TMEM117: variants seen among roughly 807,000 people sequenced by gnomAD.
The protein encoded by TMEM117 is transmembrane protein 117.
In TMEM117, 27 loss-of-function variants were observed where a neutral mutation model predicts 52.4. The ratio of observed to expected loss-of-function variants is 0.51; its 90% CI spans 0.38 to 0.71. The LOEUF (loss-of-function observed/expected upper bound fraction) is 0.71, where lower values mean the gene tolerates loss of function less well. Among genes scored for constraint, TMEM117 ranks in the 30% least tolerant of loss-of-function variants. TMEM117 has a pLI of 0.00. For synonymous variants in TMEM117, 215 were observed against 206.3 expected (o/e 1.04, Z -0.36); for missense variants, 556 against 630.5 (o/e 0.88, Z 1.26).
intron 3 of TMEM117, among the ~76,000 whole-genome samples, chr12:44,099,121 T>A (rs1385999468): frequency 1.3e-5 from 2 of 152,096 alleles, no homozygotes; most frequent in Non-Finnish European, 2.9e-5. Context: ...CTTTATTTTT[T>A]TTTTAAAGTC....
intron 6 of TMEM117, among the ~76,000 whole-genome samples, chr12:44,354,349 G>A (rs549150677): frequency 2.0e-5 from 3 of 152,032 alleles, no homozygotes; most frequent in East Asian, 1.9e-4. Flanking sequence ...ACCAAAGCCT[G>A]GCAGAAACAC....
At chr12:43,838,021 T>C (rs1217009030) in intron 1 of TMEM117, among the ~76,000 whole-genome samples, 2 of 152,334 alleles carry the variant, frequency 1.3e-5, no homozygotes, top group African/African-American at 2.4e-5. Flanking sequence ...GGTGGTTTTA[T>C]TGATTGACTT....
chr12:44,009,285 A>G lies in TMEM117; in HGVS notation c.410+64943A>G, dbSNP rs76365439. ...GTATTTCTGATGCAGAAACCGATAC[A>G]GGATGATCATTTCCAGTGTCATATT... On this transcript the variant is annotated intron_variant, in intron 3 of 7. Transcript: ENST00000266534. 6.1e-3 allele frequency: 1,665 copies of G among 274,490 alleles called. 31 individuals are homozygous for G. The highest frequency in any genetic ancestry group is 0.035 in the African/African-American group (1,495 of 42,816). 17.0% of individuals were successfully genotyped at this position (274,490 alleles called of 1,614,324 possible).
intron 3 of TMEM117, among the ~76,000 whole-genome samples, chr12:44,094,302 T>C (rs144942411): frequency 2.0e-5 from 3 of 152,232 alleles, no homozygotes; most frequent in Non-Finnish European, 4.4e-5. Context: ...ATGTCAAACT[T>C]AAAAAATGTG....
At chr12:44,267,384 A>T (rs1000377080) in intron 5 of TMEM117, among the ~76,000 whole-genome samples, 1 of 152,160 alleles carries the variant, frequency 6.6e-6, no homozygotes, top group Non-Finnish European at 1.5e-5. Flanking sequence ...ACATACAAAA[A>T]GTTGTACATA....
chr12:44,220,828 C>A (rs1467028631), intron 5 of TMEM117, among the ~76,000 whole-genome samples: 3 of 152,032 alleles, frequency 2.0e-5, no homozygotes, highest in African/African-American at 7.2e-5. Context: ...ATTTGGTCAA[C>A]AAAATGAATT....
rs565096778 is a variant in TMEM117 at position 44,219,752 on chromosome 12, T to G, written c.608+8365T>G. 2.6e-5 allele frequency among the ~76,000 whole-genome samples: 4 copies of G among 152,280 alleles called. No homozygotes were observed. The East Asian group carries it at 7.7e-4, about 29-fold the overall frequency. On this transcript the variant is annotated intron_variant, in intron 5 of 7. Transcript: ENST00000266534. ...ATAAGATACTACACATTATAGCTACTCAAATAATAACTGTACTCCTTGGAA... is the reference window on the plus strand; with the variant it reads ...ATAAGATACTACACATTATAGCTACGCAAATAATAACTGTACTCCTTGGAA...
In TMEM117 at chr12:44,207,459, C is replaced by G. The variant is rs1848213527; in HGVS notation, c.511-3831C>G. Among the ~76,000 whole-genome samples the G allele has an allele frequency of 2.0e-5, 3 of 152,216 alleles. No individual in the cohort carries two copies. In the South Asian group the frequency reaches 6.2e-4, roughly 32 times the overall value. On this transcript the variant is annotated intron_variant, in intron 4 of 7. Transcript: ENST00000266534. ...TTTGTCACACAAATATTTTATGAAGCCCTCTTAGACGACTGCAGCCTTCAG... is the reference window on the plus strand; with the variant it reads ...TTTGTCACACAAATATTTTATGAAGGCCTCTTAGACGACTGCAGCCTTCAG...
rs763766100 is a variant in TMEM117, at chr12:44,202,789, G to A, written c.511-8501G>A. ...CTGGTCCAGGACTCCTTTGGAAGTGGTAGCTTTTTTTTTTTTTTAGATGGA... is the reference window on the plus strand; with the variant it reads ...CTGGTCCAGGACTCCTTTGGAAGTGATAGCTTTTTTTTTTTTTTAGATGGA... On this transcript the variant is annotated intron_variant, in intron 4 of 7. Transcript: ENST00000266534. Among the ~76,000 whole-genome samples the A allele has an allele frequency of 4.6e-4, 63 of 138,296 alleles. 1 individual carries two copies. Among genetic ancestry groups the A allele is most frequent in the Admixed American group, 9.6e-4 (14 of 14,630 alleles). The allele number at this position is 138,296 out of a possible 152,430, so 90.7% of individuals were successfully genotyped here.
intron 3 of TMEM117, among the ~76,000 whole-genome samples, chr12:44,013,247 C>A (rs1338558676): frequency 6.6e-6 from 1 of 152,070 alleles, no homozygotes; most frequent in African/African-American, 2.4e-5. Context: ...CCAGGTTGGT[C>A]TCGAACTCCT....
chr12:43,915,839 CT>C (rs778361968), intron 2 of TMEM117, among the ~76,000 whole-genome samples: 16 of 152,060 alleles, frequency 1.1e-4, no homozygotes, highest in African/African-American at 2.7e-4. Context: ...TAAGGGAACA[CT>C]TTTTTTATTT....
intron 5 of TMEM117, among the ~76,000 whole-genome samples, chr12:44,253,983 A>AT (rs1390135332): frequency 7.2e-6 from 1 of 139,772 alleles, no homozygotes; most frequent in Non-Finnish European, 1.5e-5. Flanking sequence ...TTTGATCATC[A>AT]TTTTTTTTCC....
intron 3 of TMEM117, among the ~76,000 whole-genome samples, chr12:44,014,966 G>C (rs747964158): frequency 6.6e-6 from 1 of 151,994 alleles, no homozygotes; most frequent in Non-Finnish European, 1.5e-5. Flanking sequence ...TAATTTCTAT[G>C]ATTGGCCTCA....
At chr12:44,283,051 A>C (rs1223714237) in intron 5 of TMEM117, among the ~76,000 whole-genome samples, 1 of 152,270 alleles carries the variant, frequency 6.6e-6, no homozygotes, top group Non-Finnish European at 1.5e-5. Flanking sequence ...GCCTGTGGGT[A>C]CACAGAAGTC....
chr12:43,857,722 T>A (rs900998075), intron 2 of TMEM117, among the ~76,000 whole-genome samples: 27 of 152,300 alleles, frequency 1.8e-4, no homozygotes, highest in African/African-American at 6.5e-4. Context: ...GCTGCCAGAA[T>A]TTTCCCCTGA....
At chr12:44,392,495 GGTTA>G (rs1952165461), downstream of TMEM117, among the ~76,000 whole-genome samples, 4 of 151,966 alleles carry the variant, frequency 2.6e-5, no homozygotes, top group East Asian at 1.9e-4. Flanking sequence ...CTGGTTGGTT[GGTTA>G]GTTGTTTTGC....
At position 44,287,020 on chromosome 12, in the gene TMEM117, C is replaced by T. The variant is rs190418566; in HGVS notation, c.609-12560C>T. Among the ~76,000 whole-genome samples, 16 of 152,202 alleles carry T rather than the reference C, an allele frequency of 1.1e-4. No homozygotes were observed. In the East Asian group the frequency reaches 2.7e-3, roughly 26 times the overall value. Reference sequence around the variant, plus strand: ...GAAGCAGTTTATTTGTTCACTTTACCGAGATCTTAGTGCACATATGCATTC... The same window carrying T: ...GAAGCAGTTTATTTGTTCACTTTACTGAGATCTTAGTGCACATATGCATTC... On this transcript the variant is annotated intron_variant, in intron 5 of 7. Coordinates refer to ENST00000266534, the MANE Select transcript of TMEM117 (RefSeq NM_032256.3).
chr12:43,963,809 A>G (rs1945442401), intron 3 of TMEM117, among the ~76,000 whole-genome samples: 1 of 152,230 alleles, frequency 6.6e-6, no homozygotes, highest in Non-Finnish European at 1.5e-5. Context: ...AGATGGAGCT[A>G]AAGTCAGGAG....
At chr12:43,972,530 C>T (rs369102372) in intron 3 of TMEM117, among the ~76,000 whole-genome samples, 71 of 152,260 alleles carry the variant, frequency 4.7e-4, no homozygotes, top group Admixed American at 1.2e-3. Context: ...CTTTTATTTC[C>T]TTATTTGTCC....
Sources: gnomAD v4.1 joint callset for allele counts (sites outside exome capture counted in the v4.1 genomes callset) on GRCh38, gnomAD v4.1.1 for gene constraint, MANE v1.5 for transcripts, NCBI Gene and HGNC (gene_info 2026-07-23, HGNC 2026-07-21) for gene names.